Variants in TRIM24 observed in about 807,000 individuals in gnomAD.
TRIM24 encodes transcription intermediary factor 1-alpha.
Under a neutral mutation model 123.9 loss-of-function variants are expected in TRIM24, and 29 were observed. The observed-to-expected ratio is 0.23, with a 90% CI of 0.17 to 0.32. The LOEUF is 0.32. TRIM24 is among the 10% of genes least tolerant of loss of function. The pLI is 1.00. For missense variants in TRIM24, 932 were observed against 1,295.3 expected (o/e 0.72, Z 4.31); for synonymous variants, 456 against 461.1 (o/e 0.99, Z 0.14).
intron 1 of TRIM24, among the ~76,000 whole-genome samples, chr7:138,462,030 C>A (rs1671708865): frequency 6.6e-6 from 1 of 152,174 alleles, no homozygotes; most frequent in Admixed American, 6.5e-5. Context: ...AGCACCCTTG[C>A]CAGCGAGATA....
intron 2 of TRIM24, 35 bp downstream of exon 2, chr7:138,504,443 AGCTCTTT>A: frequency 1.4e-5 from 9 of 641,458 alleles, no homozygotes; most frequent in East Asian, 4.0e-5. Context: ...TTTGCCTGCC[AGCTCTTT>A]TTTTTTTTTT....
In TRIM24 at chr7:138,544,587, A is replaced by G. The variant is rs916222267; in HGVS notation, c.1143+5784A>G. Among the ~76,000 whole-genome samples, 5 of 152,206 alleles carry G rather than the reference A, an allele frequency of 3.3e-5. No individual in the cohort carries two copies. The East Asian group carries it at 9.6e-4, about 29-fold the overall frequency. On this transcript the variant is annotated intron_variant, in intron 7 of 18. Transcript: ENST00000343526. ...GTTTTTAATTATTTGAAGAACCTCC[A>G]TATCGTTATCCGTAGTGGTTGCACC...
At chr7:138,475,933 G>A (rs1795386540) in intron 1 of TRIM24, among the ~76,000 whole-genome samples, 2 of 152,212 alleles carry the variant, frequency 1.3e-5, no homozygotes, top group South Asian at 4.2e-4. Context: ...TTTGCGCAAG[G>A]TAAAACTCAG....
At chr7:138,552,395 A>C (rs1038962773) in intron 8 of TRIM24, among the ~76,000 whole-genome samples, 1 of 152,196 alleles carries the variant, frequency 6.6e-6, no homozygotes, top group African/African-American at 2.4e-5. Flanking sequence ...AGTTCAGCAG[A>C]AAGTTACTAC....
At chr7:138,553,218 C>CT (rs1218946522) in intron 8 of TRIM24, among the ~76,000 whole-genome samples, 4 of 152,024 alleles carry the variant, frequency 2.6e-5, no homozygotes, top group Non-Finnish European at 5.9e-5. Flanking sequence ...TTGTAAATCT[C>CT]TAAAGAAGGA....
intron 2 of TRIM24, among the ~76,000 whole-genome samples, chr7:138,509,057 T>C (rs1796228813): frequency 6.6e-6 from 1 of 151,982 alleles, no homozygotes; most frequent in South Asian, 2.1e-4. Flanking sequence ...CAAGCGATTT[T>C]CCTGCCTCAG....
chr7:138,518,241 A>G (rs1325285560), intron 3 of TRIM24, among the ~76,000 whole-genome samples: 1 of 152,222 alleles, frequency 6.6e-6, no homozygotes, highest in Non-Finnish European at 1.5e-5. Flanking sequence ...TCTTTAAAAG[A>G]CAATATATGT....
chr7:138,549,316 T>G (rs897067840), intron 7 of TRIM24, among the ~76,000 whole-genome samples: 13 of 152,174 alleles, frequency 8.5e-5, no homozygotes, highest in Admixed American at 7.9e-4. Context: ...GTCAAAAAAC[T>G]GAGCCCTGGG....
chr7:138,489,592 T>C (rs544499830), intron 1 of TRIM24, among the ~76,000 whole-genome samples: 3 of 152,180 alleles, frequency 2.0e-5, no homozygotes, highest in Non-Finnish European at 4.4e-5. Flanking sequence ...GGATTTTATT[T>C]CTCCTTCACT....
intron 1 of TRIM24, chr7:138,461,147 CGCCGCT>C (rs1563017611): frequency 4.3e-6 from 3 of 701,428 alleles, no homozygotes; most frequent in Non-Finnish European, 7.9e-6. Flanking sequence ...CCGCCGCCGC[CGCCGCT>C]GCTCCGCATT....
At chr7:138,531,221 C>A (rs1796729142) in intron 6 of TRIM24, among the ~76,000 whole-genome samples, 2 of 147,028 alleles carry the variant, frequency 1.4e-5, no homozygotes, top group Non-Finnish European at 1.5e-5. Context: ...GTGTATGTTA[C>A]ATACGTATAC....
intron 11 of TRIM24, among the ~76,000 whole-genome samples, chr7:138,573,136 A>G (rs1797690419): frequency 6.6e-6 from 1 of 152,242 alleles, no homozygotes; most frequent in Non-Finnish European, 1.5e-5. Context: ...TTAGGGAGAC[A>G]TTAAAGAGAT....
intron 14 of TRIM24, among the ~76,000 whole-genome samples, chr7:138,578,563 T>TGTGCGTGCGCGC (rs145011901): frequency 6.9e-6 from 1 of 144,990 alleles, no homozygotes; most frequent in Non-Finnish European, 1.5e-5. Context: ...TGTGTGTGTG[T>TGTGCGTGCGCGC]GCGCGCACGC....
intron 10 of TRIM24, 28 bp downstream of exon 10, chr7:138,567,682 G>T: frequency 6.5e-7 from 1 of 1,527,694 alleles, no homozygotes; most frequent in South Asian, 1.3e-5. Flanking sequence ...TTTCTCAATT[G>T]CTTTTTCTGC....
intron 9 of TRIM24, among the ~76,000 whole-genome samples, chr7:138,557,292 C>G (rs1797334525): frequency 6.6e-6 from 1 of 152,070 alleles, no homozygotes; most frequent in African/African-American, 2.4e-5. Flanking sequence ...CGGCTTCATT[C>G]CCCCCTTTGA....
chr7:138,495,828 C>T (rs1795893629), intron 1 of TRIM24, among the ~76,000 whole-genome samples: 1 of 152,126 alleles, frequency 6.6e-6, no homozygotes, highest in South Asian at 2.1e-4. Context: ...GGCTCTGTTA[C>T]TTCACTTCTA....
At position 138,586,214 on chromosome 7, in the gene TRIM24, C is replaced by T. The variant is rs1798016947; in HGVS notation, c.*1263C>T. 4.7e-6 allele frequency: 1 copy of T among 214,050 alleles called. No homozygotes were observed. The allele number at this position is 214,050 out of a possible 1,614,324, so 13.3% of individuals were successfully genotyped here. On this transcript the variant is annotated 3_prime_UTR_variant, in exon 19 of 19. Transcript: ENST00000343526. ...AGATAGATAGAAGAAAATTGCTGTG[C>T]CATACATTAATCCAGCATTTGACAC...
intron 8 of TRIM24, 113 bp downstream of exon 8, chr7:138,551,293 T>A: frequency 1.1e-6 from 1 of 909,094 alleles, no homozygotes; most frequent in Non-Finnish European, 1.8e-6. Flanking sequence ...GGCTCACATC[T>A]GTAATCCTAG....
chr7:138,537,387 T>TG (rs1331211504), intron 6 of TRIM24, among the ~76,000 whole-genome samples: 2 of 125,468 alleles, frequency 1.6e-5, no homozygotes, highest in East Asian at 4.1e-4. Context: ...TTGTTTTTTT[T>TG]TTTTTTTTTT....
Sources: gnomAD v4.1 joint callset for allele counts (sites outside exome capture counted in the v4.1 genomes callset) on GRCh38, gnomAD v4.1.1 for gene constraint, MANE v1.5 for transcripts, NCBI Gene and HGNC (gene_info 2026-07-23, HGNC 2026-07-21) for gene names.